HACD2: variants seen among roughly 807,000 people sequenced by gnomAD.
The protein encoded by HACD2 is 3-hydroxyacyl-CoA dehydratase 2, also known as very-long-chain (3R)-3-hydroxyacyl-CoA dehydratase 2.
In HACD2, 15 loss-of-function variants were observed where a neutral mutation model predicts 31.0. That is an observed-to-expected ratio of 0.48 (90% CI 0.32 to 0.75). The LOEUF (loss-of-function observed/expected upper bound fraction) is 0.75, where lower values mean the gene tolerates loss of function less well. HACD2 is among the 30% of genes least tolerant of loss of function. The pLI, the probability that HACD2 is intolerant of heterozygous loss-of-function variation, is 0.03. For synonymous variants in HACD2, 115 were observed against 122.2 expected (o/e 0.94, Z 0.39); for missense variants, 283 against 313.0 (o/e 0.90, Z 0.72).
chr3:123,508,325 T>C (rs2056004962), intron 4 of HACD2, among the ~76,000 whole-genome samples: 2 of 152,164 alleles, frequency 1.3e-5, no homozygotes, highest in South Asian at 4.1e-4. Context: ...CCCCCTGCTC[T>C]AAAGCGAGGG....
chr3:123,547,426 A>T lies in HACD2; in HGVS notation c.293-18952T>A, dbSNP rs549986052. On this transcript the variant is annotated intron_variant, in intron 3 of 6. Transcript: ENST00000383657. ...TTTGAATTCCAGGGACGTTTCATAAATATTTATGGACTGAAAGTGTGAGTG... is the reference window on the plus strand; with the variant it reads ...TTTGAATTCCAGGGACGTTTCATAATTATTTATGGACTGAAAGTGTGAGTG... 4.6e-5 allele frequency among the ~76,000 whole-genome samples: 7 copies of T among 152,348 alleles called. No homozygotes were observed. In the South Asian group the frequency reaches 1.4e-3, roughly 32 times the overall value.
At chr3:123,511,809 G>A (rs937809745) in intron 4 of HACD2, among the ~76,000 whole-genome samples, 1 of 152,060 alleles carries the variant, frequency 6.6e-6, no homozygotes. Flanking sequence ...CCCTCCTATC[G>A]GTTAGGGTAT....
At chr3:123,537,697 T>C (rs893108998) in intron 3 of HACD2, among the ~76,000 whole-genome samples, 1 of 152,136 alleles carries the variant, frequency 6.6e-6, no homozygotes, top group Admixed American at 6.6e-5. Context: ...GCTATGTCTG[T>C]CTGCCTACTT....
intron 3 of HACD2, among the ~76,000 whole-genome samples, chr3:123,537,578 T>TACACACACACACACACACAC (rs201885124): frequency 1.5e-4 from 21 of 144,402 alleles, no homozygotes; most frequent in Non-Finnish European, 2.2e-4. Flanking sequence ...CAACAACAAA[T>TACACACACACACACACACAC]ACACATACAC....
chr3:123,579,223 G>GT (rs1222094668), intron 2 of HACD2, among the ~76,000 whole-genome samples: 1 of 151,926 alleles, frequency 6.6e-6, no homozygotes, highest in Non-Finnish European at 1.5e-5. Flanking sequence ...GGATTTTAAA[G>GT]TATGACACTG....
At chr3:123,552,492 C>T (rs1387452282) in intron 3 of HACD2, among the ~76,000 whole-genome samples, 3 of 152,150 alleles carry the variant, frequency 2.0e-5, no homozygotes, top group African/African-American at 4.8e-5. Flanking sequence ...ATCTTATAAA[C>T]CAACCCAAAC....
chr3:123,522,662 CTT>C (rs4048459), intron 4 of HACD2, among the ~76,000 whole-genome samples: 5 of 146,282 alleles, frequency 3.4e-5, no homozygotes, highest in Non-Finnish European at 3.0e-5. Flanking sequence ...AATAAGGAGA[CTT>C]TTTTTTTTTT....
chr3:123,494,821 C>CA lies in HACD2; in HGVS notation c.*66dup, dbSNP rs2055812613. The CA allele has an allele frequency of 9.4e-7, 1 of 1,060,858 alleles. No individual in the cohort carries two copies. 65.7% of individuals were successfully genotyped at this position (1,060,858 alleles called of 1,614,324 possible). ...TTTTCTATGAAACGTATTGGGAACT[C>CA]AAAAAATCTGCAGCATTTTTTGATC... On this transcript the variant is annotated 3_prime_UTR_variant, in exon 7 of 7. Transcript: ENST00000383657.
At chr3:123,547,004 A>T (rs980755380) in intron 3 of HACD2, among the ~76,000 whole-genome samples, 5 of 152,220 alleles carry the variant, frequency 3.3e-5, no homozygotes, top group African/African-American at 1.2e-4. Flanking sequence ...CAAAAATTTT[A>T]AAAATCTGCT....
chr3:123,516,237 T>A (rs1001948886), intron 4 of HACD2, among the ~76,000 whole-genome samples: 8 of 146,186 alleles, frequency 5.5e-5, no homozygotes, highest in Non-Finnish European at 1.1e-4. Context: ...CAACATATTT[T>A]TTTTTTTTTT....
intron 3 of HACD2, among the ~76,000 whole-genome samples, chr3:123,566,958 G>C (rs1264170854): frequency 6.6e-6 from 1 of 152,168 alleles, no homozygotes; most frequent in East Asian, 1.9e-4. Context: ...AAGTTTCCCT[G>C]AATATAGCAA....
At chr3:123,581,259 C>T (rs538913092) in intron 2 of HACD2, among the ~76,000 whole-genome samples, 17 of 152,280 alleles carry the variant, frequency 1.1e-4, no homozygotes, top group Non-Finnish European at 2.4e-4. Flanking sequence ...GGTTTTTCAC[C>T]ATAATGAAAT....
intron 3 of HACD2, among the ~76,000 whole-genome samples, chr3:123,532,522 T>G (rs1305511269): frequency 2.0e-5 from 3 of 152,166 alleles, no homozygotes; most frequent in African/African-American, 7.2e-5. Flanking sequence ...TTATCATTAT[T>G]ATCAGGTGAA....
At chr3:123,536,928 T>C (rs2056433564) in intron 3 of HACD2, among the ~76,000 whole-genome samples, 1 of 152,174 alleles carries the variant, frequency 6.6e-6, no homozygotes, top group Non-Finnish European at 1.5e-5. Context: ...TTATGTGACC[T>C]TGAGAAACAC....
chr3:123,568,420 G>C (rs1045894341), intron 2 of HACD2, among the ~76,000 whole-genome samples: 1 of 152,146 alleles, frequency 6.6e-6, no homozygotes, highest in Non-Finnish European at 1.5e-5. Flanking sequence ...CTTCCATTCC[G>C]CCCGTTATCC....
At chr3:123,557,893 C>A (rs2056689325) in intron 3 of HACD2, among the ~76,000 whole-genome samples, 1 of 152,194 alleles carries the variant, frequency 6.6e-6, no homozygotes, top group Non-Finnish European at 1.5e-5. Flanking sequence ...ACTAAACATA[C>A]CCTTAGCATA....
chr3:123,584,107 A>G (rs2056996568), intron 1 of HACD2, among the ~76,000 whole-genome samples: 1 of 152,246 alleles, frequency 6.6e-6, no homozygotes, highest in Non-Finnish European at 1.5e-5. Flanking sequence ...CCAACCCTTT[A>G]GTTTTACAAA....
At chr3:123,557,668 A>G (rs2056686873) in intron 3 of HACD2, among the ~76,000 whole-genome samples, 1 of 152,154 alleles carries the variant, frequency 6.6e-6, no homozygotes, top group Non-Finnish European at 1.5e-5. Flanking sequence ...CACCTCATCA[A>G]AGAGGACCTA....
intron 3 of HACD2, among the ~76,000 whole-genome samples, chr3:123,546,082 TTAA>T (rs1449299513): frequency 6.6e-6 from 1 of 152,176 alleles, no homozygotes; most frequent in Non-Finnish European, 1.5e-5. Flanking sequence ...CCCCTTATTA[TTAA>T]TGAGGACTTT....
Sources: gnomAD v4.1 joint callset for allele counts (sites outside exome capture counted in the v4.1 genomes callset) on GRCh38, gnomAD v4.1.1 for gene constraint, MANE v1.5 for transcripts, NCBI Gene and HGNC (gene_info 2026-07-23, HGNC 2026-07-21) for gene names.